EEFSEC: variants seen among roughly 807,000 people sequenced by gnomAD.
EEFSEC encodes the protein selenocysteine-specific elongation factor.
A neutral mutation model predicts 42.1 loss-of-function variants in EEFSEC; 43 were observed. The ratio of observed to expected loss-of-function variants is 1.02; its 90% confidence interval spans 0.80 to 1.32. The LOEUF (loss-of-function observed/expected upper bound fraction) is 1.32, where lower values mean the gene tolerates loss of function less well. Among genes scored for constraint, EEFSEC ranks in the 40% most tolerant of loss-of-function variants. The pLI, the probability that EEFSEC is intolerant of heterozygous loss-of-function variation, is 0.00. For missense variants in EEFSEC, 745 were observed against 803.6 expected (o/e 0.93, Z 0.88); for synonymous variants, 354 against 339.1 (o/e 1.04, Z -0.48).
chr3:128,216,579 G>A (rs1034383674), intron 1 of EEFSEC, among the ~76,000 whole-genome samples: 11 of 152,086 alleles, frequency 7.2e-5, no homozygotes, highest in Admixed American at 5.2e-4. Flanking sequence ...TCTGCCCCTC[G>A]ACCAGCCCAC....
At chr3:128,316,944 CA>C (rs1432044518) in intron 4 of EEFSEC, among the ~76,000 whole-genome samples, 11 of 152,314 alleles carry the variant, frequency 7.2e-5, no homozygotes, top group African/African-American at 2.6e-4. Context: ...TATATGGCAC[CA>C]CTATTTCATT....
chr3:128,292,969 G>T (rs1250443813), intron 4 of EEFSEC, among the ~76,000 whole-genome samples: 1 of 152,050 alleles, frequency 6.6e-6, no homozygotes, highest in Non-Finnish European at 1.5e-5. Context: ...TTATTTCAAT[G>T]ATGTGCCATT....
At chr3:128,182,383 A>T (rs1298103094) in intron 1 of EEFSEC, among the ~76,000 whole-genome samples, 1 of 151,824 alleles carries the variant, frequency 6.6e-6, no homozygotes, top group East Asian at 1.9e-4. Context: ...TACATTTTGG[A>T]TTAGGTTATA....
intron 4 of EEFSEC, among the ~76,000 whole-genome samples, chr3:128,276,101 C>G (rs2066465379): frequency 6.6e-6 from 1 of 152,234 alleles, no homozygotes; most frequent in Non-Finnish European, 1.5e-5. Context: ...CTTGGCCCTC[C>G]TCACCCTCCT....
At chr3:128,217,689 CT>C (rs986049297) in intron 1 of EEFSEC, among the ~76,000 whole-genome samples, 3 of 151,524 alleles carry the variant, frequency 2.0e-5, no homozygotes, top group African/African-American at 4.9e-5. Context: ...CCAGCCCCCC[CT>C]GGTCCCCCAC....
At chr3:128,314,060 G>A (rs2108024974) in intron 4 of EEFSEC, among the ~76,000 whole-genome samples, 1 of 152,306 alleles carries the variant, frequency 6.6e-6, no homozygotes, top group South Asian at 2.1e-4. Context: ...GTGGATGTCT[G>A]TTTAGCCTCT....
At chr3:128,394,536 G>A (rs1275960076) in intron 6 of EEFSEC, among the ~76,000 whole-genome samples, 2 of 152,040 alleles carry the variant, frequency 1.3e-5, no homozygotes, top group African/African-American at 2.4e-5. Flanking sequence ...TTGTCAATAA[G>A]CTCTACCTTT....
intron 4 of EEFSEC, among the ~76,000 whole-genome samples, chr3:128,330,827 C>G (rs1171517659): frequency 9.6e-6 from 1 of 103,948 alleles, no homozygotes. Context: ...TGCATCTCCC[C>G]TCTTCCCCCC....
At chr3:128,359,390 C>CT (rs61688665) in intron 6 of EEFSEC, among the ~76,000 whole-genome samples, 9 of 151,940 alleles carry the variant, frequency 5.9e-5, no homozygotes, top group African/African-American at 2.2e-4. Flanking sequence ...GAGCCACTAT[C>CT]TTTTTTTTAG....
In EEFSEC at chr3:128,312,342, G is replaced by A. The variant is rs138060833; in HGVS notation, c.787-28891G>A. On this transcript the variant is annotated intron_variant, in intron 4 of 6. Coordinates refer to ENST00000254730, the MANE Select transcript of EEFSEC (RefSeq NM_021937.5). Reference sequence around the variant, plus strand: ...TCAGACAGGCAGGGTCCCCGCTGCTGCCCCAAGCACCTGGACCTAGGCCAG... The same window carrying A: ...TCAGACAGGCAGGGTCCCCGCTGCTACCCCAAGCACCTGGACCTAGGCCAG... Among the ~76,000 whole-genome samples, 300 of 152,352 alleles carry A rather than the reference G, an allele frequency of 2.0e-3. 2 individuals are homozygous for A. The highest frequency in any genetic ancestry group is 3.4e-3 in the Middle Eastern group (1 of 294).
chr3:128,291,542 G>A (rs1375790854), intron 4 of EEFSEC, among the ~76,000 whole-genome samples: 1 of 152,190 alleles, frequency 6.6e-6, no homozygotes, highest in Non-Finnish European at 1.5e-5. Context: ...CCAGAGTTGT[G>A]AGGCAATAAA....
At chr3:128,172,657 G>A (rs566506406) in intron 1 of EEFSEC, among the ~76,000 whole-genome samples, 2 of 152,292 alleles carry the variant, frequency 1.3e-5, no homozygotes, top group East Asian at 1.9e-4. Context: ...AGCATATGGA[G>A]GTGGTGGGGC....
intron 1 of EEFSEC, among the ~76,000 whole-genome samples, chr3:128,181,416 A>G (rs896607191): frequency 6.6e-6 from 1 of 152,240 alleles, no homozygotes; most frequent in Non-Finnish European, 1.5e-5. Context: ...ACAAGTGGGC[A>G]TTCTGAACAC....
At chr3:128,239,639 A>C (rs906013001) in intron 1 of EEFSEC, among the ~76,000 whole-genome samples, 2 of 152,210 alleles carry the variant, frequency 1.3e-5, no homozygotes, top group African/African-American at 2.4e-5. Context: ...CTCAGATCAA[A>C]ACATGCCCTC....
intron 6 of EEFSEC, among the ~76,000 whole-genome samples, chr3:128,360,627 TG>T (rs541728196): frequency 1.5e-3 from 213 of 146,450 alleles, no homozygotes; most frequent in African/African-American, 5.0e-3. Context: ...GTTGGGCTGC[TG>T]GGGTGGGAGT....
intron 1 of EEFSEC, among the ~76,000 whole-genome samples, chr3:128,226,350 T>C (rs1222943198): frequency 2.0e-5 from 3 of 152,184 alleles, no homozygotes; most frequent in Non-Finnish European, 2.9e-5. Context: ...CTTGAGAAGA[T>C]TGGGAACAGC....
intron 5 of EEFSEC, among the ~76,000 whole-genome samples, chr3:128,344,357 A>G (rs2107569248): frequency 6.6e-6 from 1 of 152,366 alleles, no homozygotes; most frequent in South Asian, 2.1e-4. Flanking sequence ...TTTTTCCCCA[A>G]TTAAATCAAT....
At chr3:128,319,449 G>A (rs530817707) in intron 4 of EEFSEC, among the ~76,000 whole-genome samples, 1 of 152,174 alleles carries the variant, frequency 6.6e-6, no homozygotes, top group South Asian at 2.1e-4. Context: ...ATTACCTGGG[G>A]GATTATGTAT....
At chr3:128,385,005 G>A (rs965623898) in intron 6 of EEFSEC, among the ~76,000 whole-genome samples, 2 of 152,284 alleles carry the variant, frequency 1.3e-5, no homozygotes, top group Admixed American at 1.3e-4. Context: ...ACCAATACAG[G>A]CAGACCATCC....
Sources: allele counts gnomAD v4.1 joint callset (sites outside exome capture counted in the v4.1 genomes callset), GRCh38; gene constraint gnomAD v4.1.1; transcripts MANE v1.5; gene names NCBI Gene and HGNC (gene_info 2026-07-23, HGNC 2026-07-21).